Variants in TENM3 observed in about 807,000 individuals in gnomAD.
TENM3 encodes teneurin transmembrane protein 3.
A neutral mutation model predicts 255.1 loss-of-function variants in TENM3; 63 were observed. The ratio of observed to expected loss-of-function variants is 0.25; its 90% CI spans 0.20 to 0.30. TENM3 has a LOEUF of 0.30. Among genes scored for constraint, TENM3 ranks in the 10% least tolerant of loss-of-function variants. The pLI, the probability that TENM3 is intolerant of heterozygous loss-of-function variation, is 1.00. For missense variants in TENM3, 2,929 were observed against 3,461.1 expected, an observed-to-expected ratio of 0.85 and a Z score of 3.86; for synonymous variants, 1,306 against 1,322.3, an observed-to-expected ratio of 0.99 and a Z score of 0.27.
the TENM3 span, among the ~76,000 whole-genome samples, chr4:181,495,902 T>TAAAAAAAAAAA: frequency 6.0e-5 from 7 of 116,844 alleles, no homozygotes; most frequent in Middle Eastern, 5.1e-3. Flanking sequence ...AGAGACAAAT[T>TAAAAAAAAAAA]AAAAAAAAAA....
chr4:182,625,471 G>A (rs539219702), intron 4 of TENM3, among the ~76,000 whole-genome samples: 5 of 152,238 alleles, frequency 3.3e-5, no homozygotes, highest in South Asian at 2.1e-4. Flanking sequence ...GTTTCACCCC[G>A]AAACCATCCT....
Position 182,679,699 on chromosome 4 carries a change from C to T in TENM3, c.1360C>T (p.Leu454=). ...CGTGGAGCTCCTGGATGGCAGCAGGCTGATTGCCAGAGAGCAGCGGAGCCT... is the reference window on the plus strand; with the variant it reads ...CGTGGAGCTCCTGGATGGCAGCAGGTTGATTGCCAGAGAGCAGCGGAGCCT... ...DFVELLDGSR[L]IAREQRSLLE... Residue 454 remains leucine, a synonymous_variant, in exon 8 of 28, where the codon CTG becomes TTG. Transcript: ENST00000511685. 6.2e-7 allele frequency: 1 copy of T among 1,613,152 alleles called. No homozygotes were observed. Among genetic ancestry groups the T allele is most frequent in the South Asian group, 1.1e-5 (1 of 91,040 alleles).
chr4:181,546,836 A>G, the TENM3 span, among the ~76,000 whole-genome samples: 73,615 of 151,290 alleles, frequency 0.49, 19,030 homozygotes, highest in Admixed American at 0.63. Context: ...CTTCCAGTAG[A>G]GCTTCTTTTT....
At chr4:182,700,112 A>G (rs1254020104) in intron 12 of TENM3, among the ~76,000 whole-genome samples, 3 of 152,200 alleles carry the variant, frequency 2.0e-5, no homozygotes, top group Admixed American at 1.3e-4. Flanking sequence ...CATGCTTCCC[A>G]AAAGTAAGCC....
intron 19 of TENM3, among the ~76,000 whole-genome samples, chr4:182,751,307 C>A (rs1762355660): frequency 6.6e-6 from 1 of 151,898 alleles, no homozygotes; most frequent in Non-Finnish European, 1.5e-5. Flanking sequence ...TGGTACATTT[C>A]TTCAGGGGGA....
chr4:182,627,466 A>G (rs1202359006), intron 4 of TENM3, among the ~76,000 whole-genome samples: 6 of 152,302 alleles, frequency 3.9e-5, no homozygotes, highest in African/African-American at 1.4e-4. Flanking sequence ...CAATAAGTAT[A>G]TGAGTATTAA....
chr4:182,590,497 G>A (rs1746494698), intron 3 of TENM3, among the ~76,000 whole-genome samples: 1 of 136,964 alleles, frequency 7.3e-6, no homozygotes, highest in Admixed American at 7.9e-5. Context: ...AATTATCCAG[G>A]TTTGGTGGCA....
At chr4:181,956,430 A>G in the TENM3 span, among the ~76,000 whole-genome samples, 2 of 152,198 alleles carry the variant, frequency 1.3e-5, no homozygotes, top group Admixed American at 6.5e-5. Context: ...ATGAGTATCT[A>G]TGCCTTTATA....
At chr4:181,815,166 A>G in the TENM3 span, among the ~76,000 whole-genome samples, 2 of 152,056 alleles carry the variant, frequency 1.3e-5, no homozygotes, top group Non-Finnish European at 2.9e-5. Context: ...GAAAGTGTAG[A>G]GGAAGCCAGG....
chr4:182,786,927 A>G (rs1765707569), intron 24 of TENM3, among the ~76,000 whole-genome samples: 1 of 152,166 alleles, frequency 6.6e-6, no homozygotes, highest in African/African-American at 2.4e-5. Context: ...CCCTAAGAAA[A>G]CCATTTAAAT....
chr4:182,590,568 GA>G (rs1421733968), intron 3 of TENM3, among the ~76,000 whole-genome samples: 1 of 118,504 alleles, frequency 8.4e-6, no homozygotes, highest in African/African-American at 2.9e-5. Context: ...AAAAGAAAAA[GA>G]AAAAGGTGGG....
the TENM3 span, among the ~76,000 whole-genome samples, chr4:181,560,684 T>C: frequency 9.8e-4 from 149 of 152,300 alleles, 1 homozygote; most frequent in African/African-American, 3.3e-3. Flanking sequence ...GCAGCACAAC[T>C]GACCTACCTC....
At chr4:182,391,453 T>A (rs1312613229) in intron 3 of TENM3, among the ~76,000 whole-genome samples, 1 of 152,186 alleles carries the variant, frequency 6.6e-6, no homozygotes, top group Non-Finnish European at 1.5e-5. Context: ...CACAGTTAAA[T>A]AAAACCATGA....
At chr4:182,477,051 A>G (rs60032844) in intron 3 of TENM3, among the ~76,000 whole-genome samples, 1 of 152,316 alleles carries the variant, frequency 6.6e-6, no homozygotes, top group Middle Eastern at 3.4e-3. Flanking sequence ...TTTTTACTTC[A>G]AATATTTATT....
At chr4:182,244,412 G>C (rs1757513725) in intron 1 of TENM3, among the ~76,000 whole-genome samples, 1 of 152,190 alleles carries the variant, frequency 6.6e-6, no homozygotes, top group Non-Finnish European at 1.5e-5. Context: ...AGCCATACAT[G>C]TTAGAGTGAT....
the TENM3 span, among the ~76,000 whole-genome samples, chr4:182,105,611 C>T: frequency 6.6e-6 from 1 of 152,216 alleles, no homozygotes. Flanking sequence ...ACACAGCTCT[C>T]ATTGTCTCCC....
chr4:182,580,464 A>G (rs901528696), intron 3 of TENM3, among the ~76,000 whole-genome samples: 1 of 152,088 alleles, frequency 6.6e-6, no homozygotes, highest in African/African-American at 2.4e-5. Flanking sequence ...TTTACCAAAA[A>G]CATTTGTAGG....
the TENM3 span, among the ~76,000 whole-genome samples, chr4:181,679,523 G>A: frequency 6.6e-6 from 1 of 151,986 alleles, no homozygotes; most frequent in East Asian, 1.9e-4. Context: ...CAAAATATAT[G>A]TTGTATAGCA....
the TENM3 span, among the ~76,000 whole-genome samples, chr4:181,580,382 A>G: frequency 2.0e-5 from 3 of 152,172 alleles, no homozygotes; most frequent in East Asian, 5.8e-4. Context: ...GATCTTCTCC[A>G]TCTGCCACCC....
Sources: gnomAD v4.1 joint callset for allele counts (sites outside exome capture counted in the v4.1 genomes callset) on GRCh38, gnomAD v4.1.1 for gene constraint, MANE v1.5 for transcripts, NCBI Gene and HGNC (gene_info 2026-07-23, HGNC 2026-07-21) for gene names.